Variants in EGF observed in about 807,000 individuals in gnomAD.
EGF encodes the protein pro-epidermal growth factor.
A neutral mutation model predicts 143.8 loss-of-function variants in EGF; 95 were observed. The ratio of observed to expected loss-of-function variants is 0.66; its 90% confidence interval spans 0.56 to 0.78. The LOEUF (loss-of-function observed/expected upper bound fraction) is 0.78, where lower values mean the gene tolerates loss of function less well. Among genes scored for constraint, EGF ranks in the 30% least tolerant of loss-of-function variants. The pLI is 0.00. For missense variants in EGF, 1,320 were observed against 1,470.9 expected (o/e 0.90, Z 1.68); for synonymous variants, 510 against 510.5 (o/e 1.00, Z 0.01).
intron 1 of EGF, among the ~76,000 whole-genome samples, chr4:109,914,084 G>A (rs1736172018): frequency 6.6e-6 from 1 of 152,142 alleles, no homozygotes; most frequent in South Asian, 2.1e-4. Context: ...GGGTAAATAA[G>A]CCACACTGTC....
intron 2 of EGF, among the ~76,000 whole-genome samples, chr4:109,942,783 GA>G (rs746850400): frequency 2.0e-5 from 3 of 152,198 alleles, no homozygotes; most frequent in Non-Finnish European, 2.9e-5. Context: ...AGGAGGGCCA[GA>G]AGAATAAAGG....
intron 21 of EGF, chr4:110,001,881 G>A (rs760318249): frequency 1.7e-5 from 17 of 985,220 alleles, no homozygotes; most frequent in African/African-American, 3.5e-5. Context: ...TTCTTCCTGA[G>A]TGAATCTATG....
intron 1 of EGF, among the ~76,000 whole-genome samples, chr4:109,914,471 T>G (rs1560615461): frequency 6.6e-6 from 1 of 152,218 alleles, no homozygotes; most frequent in Non-Finnish European, 1.5e-5. Context: ...GCTAGGCTGC[T>G]GTCCTGGCTC....
At position 109,963,273 on chromosome 4, in the gene EGF, G is replaced by T; in HGVS notation, c.1413G>T (p.Leu471=). 6.2e-7 allele frequency: 1 copy of T among 1,613,936 alleles called. No individual in the cohort carries two copies. Among genetic ancestry groups the T allele is most frequent in the Non-Finnish European group, 8.5e-7 (1 of 1,179,932 alleles). Residue 471 remains leucine, a synonymous_variant, in exon 9 of 24, where the codon CTG becomes CTT. Coordinates refer to ENST00000265171, the MANE Select transcript of EGF (RefSeq NM_001963.6). ...CDCFPGYDLQ[L]DEKSCAASGP... Reference sequence around the variant, plus strand: ...GCTTTCCTGGGTATGACCTACAACTGGATGAAAAAAGCTGTGCAGCTTCAG... The same window carrying T: ...GCTTTCCTGGGTATGACCTACAACTTGATGAAAAAAGCTGTGCAGCTTCAG...
chr4:109,995,193 G>A (rs11569089), intron 20 of EGF, among the ~76,000 whole-genome samples: 1,528 of 151,956 alleles, frequency 0.01, 23 homozygotes, highest in African/African-American at 0.035. Flanking sequence ...AAAAACTTAG[G>A]TTTGTGAGAT....
intron 1 of EGF, among the ~76,000 whole-genome samples, chr4:109,925,695 G>A (rs1464594654): frequency 6.6e-6 from 1 of 152,192 alleles, no homozygotes; most frequent in African/African-American, 2.4e-5. Flanking sequence ...CTATGAGAGA[G>A]TAAGGGAAAA....
At chr4:109,993,822 A>C (rs897344691) in intron 19 of EGF, among the ~76,000 whole-genome samples, 1 of 152,060 alleles carries the variant, frequency 6.6e-6, no homozygotes, top group Non-Finnish European at 1.5e-5. Context: ...TCTTTTCTCA[A>C]TATTCATAAT....
intron 1 of EGF, among the ~76,000 whole-genome samples, chr4:109,919,985 C>T (rs768685039): frequency 1.3e-5 from 2 of 151,662 alleles, no homozygotes; most frequent in Non-Finnish European, 2.9e-5. Context: ...TTGGGAGCAT[C>T]AAATAGTTTG....
chr4:109,962,434 T>A (rs976231543), intron 8 of EGF, among the ~76,000 whole-genome samples: 3 of 152,234 alleles, frequency 2.0e-5, no homozygotes, highest in African/African-American at 7.2e-5. Context: ...TATAGATAAC[T>A]GGATGTAACT....
chr4:109,940,153 C>T (rs1741660865), intron 1 of EGF, among the ~76,000 whole-genome samples: 1 of 152,092 alleles, frequency 6.6e-6, no homozygotes, highest in Non-Finnish European at 1.5e-5. Context: ...TGGTAGGTGG[C>T]CATCACCTAG....
At chr4:109,981,306 G>A (rs928595117) in intron 15 of EGF, among the ~76,000 whole-genome samples, 2 of 152,118 alleles carry the variant, frequency 1.3e-5, no homozygotes, top group Non-Finnish European at 2.9e-5. Context: ...TTGTTTAGAA[G>A]TTTTATGTCC....
At chr4:109,931,496 G>T (rs535788170) in intron 1 of EGF, among the ~76,000 whole-genome samples, 2 of 152,088 alleles carry the variant, frequency 1.3e-5, no homozygotes, top group South Asian at 2.1e-4. Flanking sequence ...ACTAGATTGC[G>T]AGTGCACTAG....
intron 3 of EGF, among the ~76,000 whole-genome samples, 181 bp downstream of exon 3, chr4:109,943,616 A>G (rs1280181366): frequency 6.6e-6 from 1 of 152,218 alleles, no homozygotes; most frequent in Non-Finnish European, 1.5e-5. Flanking sequence ...GGATCCCCCC[A>G]TAAATATTCC....
chr4:109,933,572 AG>A (rs1306743610), intron 1 of EGF, among the ~76,000 whole-genome samples: 4 of 151,806 alleles, frequency 2.6e-5, no homozygotes, highest in Admixed American at 1.3e-4. Context: ...TCCCTCCACC[AG>A]CCCCCCACCT....
chr4:109,913,210 A>C lies in EGF; in HGVS notation c.-126A>C. ...GACAACAGCACAACAGGAGAGTAAA[A>C]GATGCCCCAGGGCTGAGGCCTCCGC... On this transcript the variant is annotated 5_prime_UTR_variant, in exon 1 of 24. Transcript: ENST00000265171. The C allele has an allele frequency of 8.4e-7, 1 of 1,189,616 alleles. No homozygotes were observed. The highest frequency in any genetic ancestry group is 1.2e-6 in the Non-Finnish European group (1 of 811,544). The allele number at this position is 1,189,616 out of a possible 1,614,324, so 73.7% of individuals were successfully genotyped here.
chr4:109,977,709 G>A (rs1277316061), intron 13 of EGF, among the ~76,000 whole-genome samples: 5 of 152,090 alleles, frequency 3.3e-5, no homozygotes, highest in Non-Finnish European at 5.9e-5. Flanking sequence ...ATGGTGGTGA[G>A]TGCCTGTAAT....
chr4:109,943,580 C>T (rs899768598), intron 3 of EGF, 145 bp downstream of exon 3: 15 of 890,844 alleles, frequency 1.7e-5, no homozygotes, highest in Non-Finnish European at 2.6e-5. Flanking sequence ...TTCTATAGGA[C>T]AGTTGCCTGC....
intron 1 of EGF, among the ~76,000 whole-genome samples, chr4:109,937,359 CTTTT>C (rs57083170): frequency 7.9e-5 from 11 of 139,452 alleles, no homozygotes; most frequent in Admixed American, 7.1e-5. Flanking sequence ...GCAATCCCTG[CTTTT>C]TTTTTTTTTT....
At chr4:109,945,967 A>G (rs538459034) in intron 5 of EGF, among the ~76,000 whole-genome samples, 65 of 152,302 alleles carry the variant, frequency 4.3e-4, no homozygotes, top group Non-Finnish European at 7.1e-4. Context: ...TTAGGCAAAT[A>G]GAGCTTTTCT....
Sources: allele counts gnomAD v4.1 joint callset (sites outside exome capture counted in the v4.1 genomes callset), GRCh38; gene constraint gnomAD v4.1.1; transcripts MANE v1.5; gene names NCBI Gene and HGNC (gene_info 2026-07-23, HGNC 2026-07-21).